The following CSPG4 variants were observed in gnomAD, a reference collection of about 807,000 sequenced individuals.
The protein encoded by CSPG4 is chondroitin sulfate proteoglycan 4 (melanoma-associated).
CSPG4 carries 74 observed loss-of-function variants against 139.3 expected under a neutral mutation model. The ratio of observed to expected loss-of-function variants is 0.53; its 90% CI spans 0.44 to 0.64. CSPG4 has a LOEUF of 0.64. CSPG4 is among the 30% of genes least tolerant of loss of function. The pLI is 0.00. For synonymous variants in CSPG4, 1,234 were observed against 1,394.2 expected (o/e 0.89, Z 2.56); for missense variants, 2,565 against 3,148.3 (o/e 0.81, Z 4.43).
chr15:75,679,207 C>T (rs1220335248), intron 8 of CSPG4: 2 of 164,892 alleles, frequency 1.2e-5, no homozygotes, highest in African/African-American at 4.8e-5. Context: ...TCAACCTGCC[C>T]CGGCTGCACT....
In CSPG4 at chr15:75,687,517, G is replaced by C. The variant is rs754344917; in HGVS notation, c.3548C>G (p.Pro1183Arg). 2.5e-6 allele frequency: 4 copies of C among 1,612,128 alleles called. No homozygotes were observed. The Middle Eastern group carries it at 5.0e-4, about 200-fold the overall frequency. The change falls in exon 3 of 10, where the codon CCA becomes CGA. Residue 1183 changes from proline to arginine, a missense_variant. Pro to Arg is a moderately radical substitution (Grantham distance 103). Coordinates refer to ENST00000308508, the MANE Select transcript of CSPG4 (RefSeq NM_001897.5). This position sits in a 1 kb window ranked among gnomAD's most constrained non-coding sequence, Gnocchi z 5.4. ...RWGQLVRAGQ[P>R]ATAFSQQDLL... ...GTCCTGCTGGGAGAAGGCTGTGGCT[G>C]GCTGACCAGCCCGGACTAGCTGTCC...
chr15:75,682,886 C>T lies in CSPG4; in HGVS notation c.4605G>A (p.Thr1535=), dbSNP rs774704296. 132 of 1,610,544 alleles carry T rather than the reference C, an allele frequency of 8.2e-5. No individual in the cohort carries two copies. In the South Asian group the frequency reaches 1.2e-3, roughly 14 times the overall value. The change falls in exon 6 of 10, where the codon ACG becomes ACA. Residue 1535 remains threonine (T), a synonymous_variant. Transcript: ENST00000308508. ...CGAGCCCGCCGTCCAGCTGGGCCTG[C>T]GTGAAGCTGCGCACCTCAGTGCCCG... ...GAPGTEVRSF[T]QAQLDGGLVL...
chr15:75,690,812 C>A lies in CSPG4; in HGVS notation c.253G>T (p.Val85Phe). The A allele has an allele frequency of 6.2e-7, 1 of 1,602,236 alleles. No homozygotes were observed. Among genetic ancestry groups the A allele is most frequent in the Non-Finnish European group, 8.5e-7 (1 of 1,172,492 alleles). Residue 85 changes from valine to phenylalanine, a missense_variant and splice_region_variant, in exon 3 of 10, where the codon GTC becomes TTC. Val to Phe is a conservative substitution (Grantham distance 50). This residue lies in a region of CSPG4 where 30 missense variants were observed against 60.1 expected (regional missense o/e 0.50). Transcript: ENST00000308508. The stretch of plus-strand genomic sequence containing the variant: ...TCCTCCTGGCCCAGAACAAGTCTGA[C>A]CTGAAGAGAGATGGGGAGTGGGAGA... ...LLQLYSGRLQVRLVLGQEELR... is the reference protein window; with the variant it reads ...LLQLYSGRLQFRLVLGQEELR...
rs1325091108 is a variant in CSPG4, at chr15:75,688,791, G to T, written c.2274C>A (p.Asn758Lys). The change falls in exon 3 of 10, where the codon AAC becomes AAA. Residue 758 changes from asparagine (N) to lysine (K), a missense_variant. Coordinates refer to ENST00000308508, the MANE Select transcript of CSPG4 (RefSeq NM_001897.5). ...PQHHAYDTVENLALEVQVGQE... is the reference protein window; with the variant it reads ...PQHHAYDTVEKLALEVQVGQE... ...GGCCCACCTGCACCTCCAGGGCCAG[G>T]TTCTCCACGGTGTCGTAAGCGTGGT... 1 of 1,612,910 alleles carries T rather than the reference G, an allele frequency of 6.2e-7. No homozygotes were observed. Among genetic ancestry groups the T allele is most frequent in the Non-Finnish European group, 8.5e-7 (1 of 1,179,884 alleles).
rs1355438999 is a variant in CSPG4 at position 75,698,940 on chromosome 15, C to T, written c.89-5707G>A. Among the ~76,000 whole-genome samples, 1 of 152,112 alleles carries T rather than the reference C, an allele frequency of 6.6e-6. No individual in the cohort carries two copies. The highest frequency in any genetic ancestry group is 1.5e-5 in the Non-Finnish European group (1 of 68,012). ...CACCAGGGCCCAGGCCTAGAAGGCT[C>T]ATCACTGGCCAGGGTGGGCTGCCTG... On this transcript the variant is annotated intron_variant, in intron 1 of 9. Coordinates refer to ENST00000308508, the MANE Select transcript of CSPG4 (RefSeq NM_001897.5). The surrounding 1 kb of genome is among the most constrained non-coding windows in gnomAD (Gnocchi z 4.3).
rs752870206 is a variant in CSPG4, at chr15:75,689,735, T to C, written c.1330A>G (p.Thr444Ala). ...ISPLVVAEGG[T>A]AWLEWRHVQP... ...ACATGCCTCCACTCAAGCCAGGCTGTGCCCCCCTCGGCCACCACCAGTGGG... is the reference window on the plus strand; with the variant it reads ...ACATGCCTCCACTCAAGCCAGGCTGCGCCCCCCTCGGCCACCACCAGTGGG... Residue 444 changes from threonine (T) to alanine (A), a missense_variant, in exon 3 of 10, where the codon ACA becomes GCA. Around this residue, in one of 5 missense-constraint regions of CSPG4, gnomAD observed 2,316 missense variants for 2,818.2 expected, o/e 0.82. Transcript: ENST00000308508. The C allele has an allele frequency of 5.0e-6, 8 of 1,612,684 alleles. No homozygotes were observed. In the African/African-American group the frequency reaches 5.3e-5, roughly 11 times the overall value.
chr15:75,689,187 T>C lies in CSPG4; in HGVS notation c.1878A>G (p.Leu626=). ...CAGGACCACCGCGGTGGACATAGAC[T>C]AGGCTGCCGGCCTCCAACTCCCGGC... ...FSCRELEAGS[L]VYVHRGGPAQ... is the part of the protein sequence containing the mutation. Residue 626 remains leucine, a synonymous_variant, in exon 3 of 10, where the codon CTA becomes CTG. Coordinates refer to ENST00000308508, the MANE Select transcript of CSPG4 (RefSeq NM_001897.5). 2 of 1,606,500 alleles carry C rather than the reference T, an allele frequency of 1.2e-6. No homozygotes were observed. The highest frequency in any genetic ancestry group is 1.7e-6 in the Non-Finnish European group (2 of 1,177,466).
rs1252141570 is a variant in CSPG4, at chr15:75,689,747, C to G, written c.1318G>C (p.Ala440Pro). 6.2e-7 allele frequency: 1 copy of G among 1,612,746 alleles called. No homozygotes were observed. The highest frequency in any genetic ancestry group is 1.7e-5 in the Admixed American group (1 of 60,008). Residue 440 changes from alanine (A) to proline (P), a missense_variant, in exon 3 of 10, where the codon GCC becomes CCC. Ala to Pro is a conservative substitution (Grantham distance 27). Coordinates refer to ENST00000308508, the MANE Select transcript of CSPG4 (RefSeq NM_001897.5). ...QLLTISPLVVAEGGTAWLEWR... is the reference protein window; with the variant it reads ...QLLTISPLVVPEGGTAWLEWR... Reference sequence around the variant, plus strand: ...TCAAGCCAGGCTGTGCCCCCCTCGGCCACCACCAGTGGGCTGATAGTCAGC... The same window carrying G: ...TCAAGCCAGGCTGTGCCCCCCTCGGGCACCACCAGTGGGCTGATAGTCAGC...
At chr15:75,686,617 C>T (rs1182684215) in intron 3 of CSPG4, among the ~76,000 whole-genome samples, 6 of 152,224 alleles carry the variant, frequency 3.9e-5, no homozygotes, top group Middle Eastern at 3.2e-3. Context: ...CCGGCCCAAA[C>T]GCTGCCTCCT....
In CSPG4 at chr15:75,690,051, G is replaced by A. The variant is rs1448502475; in HGVS notation, c.1014C>T (p.His338=). 8.7e-6 allele frequency: 14 copies of A among 1,611,846 alleles called. No individual in the cohort carries two copies. Among genetic ancestry groups the A allele is most frequent in the Non-Finnish European group, 1.2e-5 (14 of 1,179,550 alleles). The part of the protein sequence containing the change: ...DAEASRHLQE[H]RLGLTPEATN... Reference sequence around the variant, plus strand: ...TGGCCTCTGGTGTCAGGCCCAGGCGGTGTTCCTGGAGGTGACGAGAGGCCT... The same window carrying A: ...TGGCCTCTGGTGTCAGGCCCAGGCGATGTTCCTGGAGGTGACGAGAGGCCT... Residue 338 remains histidine, a synonymous_variant, in exon 3 of 10, where the codon CAC becomes CAT. Transcript: ENST00000308508.
intron 3 of CSPG4, among the ~76,000 whole-genome samples, 163 bp from the exon 4 acceptor site, chr15:75,685,864 C>T (rs1444936730): frequency 1.3e-5 from 2 of 152,216 alleles, no homozygotes; most frequent in Non-Finnish European, 2.9e-5. Flanking sequence ...GGTTCACACA[C>T]ACAGCAGCCA....
Position 75,682,633 on chromosome 15 carries a change from C to G in CSPG4, c.4757G>C (p.Gly1586Ala). 1 of 1,613,136 alleles carries G rather than the reference C, an allele frequency of 6.2e-7. No homozygotes were observed. The highest frequency in any genetic ancestry group is 2.2e-5 in the East Asian group (1 of 44,880). Reference protein sequence around the residue: ...AQKQVLLSLKGSQTLTVCPGS... With the variant: ...AQKQVLLSLKASQTLTVCPGS... ...TGGGCAGACAGTCAGTGTCTGGCTG[C>G]CCTTCAGCGAGAGGAGCACTTGCTT... The change falls in exon 7 of 10, where the codon GGC becomes GCC. Residue 1586 changes from glycine to alanine, a missense_variant. By Grantham distance (60) the Gly-to-Ala change is moderately conservative (BLOSUM62 0). Coordinates refer to ENST00000308508, the MANE Select transcript of CSPG4 (RefSeq NM_001897.5).
At chr15:75,686,233 T>C (rs1448636822) in intron 3 of CSPG4, among the ~76,000 whole-genome samples, 3 of 152,154 alleles carry the variant, frequency 2.0e-5, no homozygotes, top group Non-Finnish European at 2.9e-5. Context: ...CACGAGTTCA[T>C]CATATGCTGA....
intron 8 of CSPG4, chr15:75,679,035 T>G (rs1893934625): frequency 6.0e-6 from 2 of 332,606 alleles, no homozygotes; most frequent in Admixed American, 4.3e-5. Flanking sequence ...GGCTCTTTTC[T>G]GTCTACAGGC....
rs754765879 is a variant in CSPG4 at position 75,682,917 on chromosome 15, C to A, written c.4574G>T (p.Gly1525Val). The change falls in exon 6 of 10, where the codon GGG becomes GTG. Residue 1525 changes from glycine (G) to valine (V), a missense_variant. Physicochemically the swap from Gly to Val is moderately radical, Grantham distance 109. Transcript: ENST00000308508. The part of the protein sequence containing the change: ...QPSNGRVVLR[G>V]APGTEVRSFT... Reference sequence around the variant, plus strand: ...GCTGCGCACCTCAGTGCCCGGCGCCCCCCGCAGCACTACCCGCCCGTTGCT... The same window carrying A: ...GCTGCGCACCTCAGTGCCCGGCGCCACCCGCAGCACTACCCGCCCGTTGCT... 17 of 1,611,138 alleles carry A rather than the reference C, an allele frequency of 1.1e-5. No individual in the cohort carries two copies. The highest frequency in any genetic ancestry group is 7.7e-5 in the South Asian group (7 of 90,962).
At chr15:75,694,211 C>T (rs1566976095) in intron 1 of CSPG4, among the ~76,000 whole-genome samples, 1 of 152,212 alleles carries the variant, frequency 6.6e-6, no homozygotes, top group Non-Finnish European at 1.5e-5. Flanking sequence ...TCTGGGCTTG[C>T]CTGGGGTTAG....
Position 75,693,160 on chromosome 15 carries a change from C to G in CSPG4, c.162G>C (p.Gln54His), listed in dbSNP as rs377627175. 5 of 1,607,006 alleles carry G rather than the reference C, an allele frequency of 3.1e-6. No homozygotes were observed. The highest frequency in any genetic ancestry group is 3.4e-5 in the Admixed American group (2 of 59,454). Residue 54 changes from glutamine to histidine, a missense_variant, in exon 2 of 10, where the codon CAG (glutamine) becomes CAC (histidine). By Grantham distance (24) the Gln-to-His change is conservative (BLOSUM62 0). Transcript: ENST00000308508. Reference sequence around the variant, plus strand: ...GGGCTTCGGGCTGGGACGTGGAGAACTGCAGCTGCAGGTCTATGTCGGTCA... The same window carrying G: ...GGGCTTCGGGCTGGGACGTGGAGAAGTGCAGCTGCAGGTCTATGTCGGTCA... The part of the protein sequence containing the change: ...TALTDIDLQL[Q>H]FSTSQPEALL...
chr15:75,675,605 A>G lies in CSPG4; in HGVS notation c.6914T>C (p.Leu2305Pro). The change falls in exon 10 of 10, where the codon CTG (leucine) becomes CCG (proline). Residue 2305 changes from leucine (L) to proline (P), a missense_variant. Leu to Pro is a moderately conservative substitution (Grantham distance 98, BLOSUM62 -3). Around this residue, in one of 5 missense-constraint regions of CSPG4, gnomAD observed 2,316 missense variants for 2,818.2 expected, o/e 0.82. Transcript: ENST00000308508. ...AGGGTTGGGTGTCCGGCAGAACTGC[A>G]GCAGCTCTGGGTCAGGCTGGCCTCC... ...PPGGQPDPEL[L>P]QFCRTPNPAL... 1.3e-6 allele frequency: 2 copies of G among 1,514,082 alleles called. No homozygotes were observed. Among genetic ancestry groups the G allele is most frequent in the Non-Finnish European group, 1.8e-6 (2 of 1,131,724 alleles). 93.8% of individuals were successfully genotyped at this position (1,514,082 alleles called of 1,614,324 possible). A position where few individuals can be genotyped will look rare whatever the true frequency, so the allele number is the denominator to read the frequency against.
In CSPG4 at chr15:75,688,491, G is replaced by A; in HGVS notation, c.2574C>T (p.Thr858=). ...CTGAGGCACGTGCTGTGGCCCCATAGGTCACCCGGCCAGCCTGTATGTCAT... is the reference window on the plus strand; with the variant it reads ...CTGAGGCACGTGCTGTGGCCCCATAAGTCACCCGGCCAGCCTGTATGTCAT... The part of the protein sequence containing the change: ...TQDDIQAGRV[T]YGATARASEA... The change falls in exon 3 of 10, where the codon ACC becomes ACT. Residue 858 remains threonine, a synonymous_variant. Transcript: ENST00000308508. 1.2e-6 allele frequency: 2 copies of A among 1,613,230 alleles called. No individual in the cohort carries two copies. The highest frequency in any genetic ancestry group is 1.1e-5 in the South Asian group (1 of 91,082).
Sources: gnomAD v4.1 joint callset for allele counts (sites outside exome capture counted in the v4.1 genomes callset) on GRCh38, gnomAD v4.1.1 for gene constraint, gnomAD v4.1.1 regional missense constraint, Gnocchi (gnomAD v3.1) non-coding constraint, MANE v1.5 for transcripts, NCBI Gene and HGNC (gene_info 2026-07-23, HGNC 2026-07-21) for gene names.